The following LDLRAD3 variants were observed in gnomAD, a reference collection of about 807,000 sequenced individuals.
LDLRAD3 encodes low density lipoprotein receptor class A domain containing 3.
Under a neutral mutation model 29.4 loss-of-function variants are expected in LDLRAD3, and 20 were observed. The observed-to-expected ratio is 0.68, with a 90% CI of 0.48 to 0.99. The LOEUF (loss-of-function observed/expected upper bound fraction) is 0.99, where lower values mean the gene tolerates loss of function less well. Among genes scored for constraint, LDLRAD3 ranks in the 50% least tolerant of loss-of-function variants. The probability of loss-of-function intolerance (pLI) is 0.00; values close to 1 mark genes in which losing one functional copy is unlikely to be tolerated. For synonymous variants in LDLRAD3, 157 were observed against 192.7 expected (o/e 0.81, Z 1.53); for missense variants, 420 against 454.3 (o/e 0.92, Z 0.69).
chr11:36,210,866 A>G (rs565554022), intron 4 of LDLRAD3, among the ~76,000 whole-genome samples: 2 of 152,316 alleles, frequency 1.3e-5, no homozygotes, highest in East Asian at 3.9e-4. Flanking sequence ...AGATAACAAA[A>G]AGCAAAAGAG....
chr11:36,144,766 G>GC (rs776835483), intron 4 of LDLRAD3, among the ~76,000 whole-genome samples: 3,059 of 123,834 alleles, frequency 0.025, 45 homozygotes, highest in Non-Finnish European at 0.033. Context: ...GTGGGGGTCA[G>GC]CCCCCCGCCC....
intron 2 of LDLRAD3, among the ~76,000 whole-genome samples, chr11:36,079,246 A>C (rs1257166877): frequency 1.3e-5 from 2 of 152,210 alleles, no homozygotes. Context: ...ATGTCCTAGA[A>C]ATCACTTCAT....
At chr11:35,981,956 C>T (rs772964871) in intron 1 of LDLRAD3, among the ~76,000 whole-genome samples, 1 of 152,148 alleles carries the variant, frequency 6.6e-6, no homozygotes, top group Non-Finnish European at 1.5e-5. Flanking sequence ...AGTCGGAGCT[C>T]TTTGGGCCTT....
intron 4 of LDLRAD3, among the ~76,000 whole-genome samples, chr11:36,143,295 C>G (rs1243469017): frequency 1.3e-5 from 2 of 152,182 alleles, no homozygotes; most frequent in African/African-American, 2.4e-5. Flanking sequence ...AACTCCCTGG[C>G]CAGAAAGGAA....
intron 4 of LDLRAD3, among the ~76,000 whole-genome samples, chr11:36,109,495 C>G (rs115156391): frequency 0.016 from 2,376 of 152,234 alleles, 62 homozygotes; most frequent in African/African-American, 0.054. Context: ...TTTTGTGGAA[C>G]TAGAGAATCT....
intron 4 of LDLRAD3, among the ~76,000 whole-genome samples, chr11:36,221,070 A>G (rs540069148): frequency 6.6e-6 from 1 of 151,660 alleles, no homozygotes; most frequent in African/African-American, 2.4e-5. Context: ...AGGCTGGGCC[A>G]GGCACGGTGG....
chr11:36,183,283 A>G (rs926514682), intron 4 of LDLRAD3, among the ~76,000 whole-genome samples: 1 of 152,122 alleles, frequency 6.6e-6, no homozygotes, highest in Non-Finnish European at 1.5e-5. Context: ...CAAAGGTAAT[A>G]AATTTCAACC....
At chr11:36,093,233 G>A (rs1280394793) in intron 3 of LDLRAD3, among the ~76,000 whole-genome samples, 1 of 152,148 alleles carries the variant, frequency 6.6e-6, no homozygotes, top group African/African-American at 2.4e-5. Context: ...GAAAAGTAAA[G>A]TAAAATGAAC....
chr11:36,047,053 T>C (rs1166359984), intron 2 of LDLRAD3, among the ~76,000 whole-genome samples: 1 of 125,476 alleles, frequency 8.0e-6, no homozygotes, highest in African/African-American at 2.5e-5. Flanking sequence ...GCCCTGGGGC[T>C]GGAGGGGGCT....
intron 2 of LDLRAD3, among the ~76,000 whole-genome samples, chr11:36,043,036 G>A (rs138952483): frequency 1.3e-5 from 2 of 152,280 alleles, no homozygotes; most frequent in African/African-American, 4.8e-5. Flanking sequence ...TATAGGCTGG[G>A]CATGGTGGCT....
At chr11:36,104,161 C>T (rs11033427) in intron 4 of LDLRAD3, among the ~76,000 whole-genome samples, 27,937 of 152,156 alleles carry the variant, frequency 0.18, 3,289 homozygotes, top group South Asian at 0.3. Flanking sequence ...TATTGTGAGC[C>T]GCCCTACTCA....
chr11:36,212,982 A>G (rs986643969), intron 4 of LDLRAD3, among the ~76,000 whole-genome samples: 1 of 152,198 alleles, frequency 6.6e-6, no homozygotes, highest in Non-Finnish European at 1.5e-5. Context: ...GAAAATTTCC[A>G]GGGAAGTGTC....
chr11:36,135,270 T>A (rs1853987626), intron 4 of LDLRAD3, among the ~76,000 whole-genome samples: 1 of 152,236 alleles, frequency 6.6e-6, no homozygotes, highest in Non-Finnish European at 1.5e-5. Flanking sequence ...GGAAAAGTCG[T>A]GCCTCTGCAT....
intron 1 of LDLRAD3, among the ~76,000 whole-genome samples, chr11:36,029,796 T>A (rs1852212995): frequency 6.6e-6 from 1 of 152,200 alleles, no homozygotes; most frequent in African/African-American, 2.4e-5. Context: ...CATGCTGCTT[T>A]ACCCTTGTAG....
Position 36,231,192 on chromosome 11 carries a change from G to A in LDLRAD3, c.*1795G>A, listed in dbSNP as rs1855570901. On this transcript the variant is annotated 3_prime_UTR_variant, in exon 6 of 6. Coordinates refer to ENST00000315571, the MANE Select transcript of LDLRAD3 (RefSeq NM_174902.4). ...AGAGCCTGCAGGAAGTGGGGCTAAA[G>A]TGGCATTCAGTGATCCTGTTCTGTA... 6.6e-6 allele frequency: 1 copy of A among 152,526 alleles called. No homozygotes were observed. The highest frequency in any genetic ancestry group is 2.4e-5 in the African/African-American group (1 of 41,516). The allele number at this position is 152,526 out of a possible 1,614,324, so 9.4% of individuals were successfully genotyped here.
chr11:35,947,247 G>A (rs1467031336), intron 1 of LDLRAD3, among the ~76,000 whole-genome samples: 3 of 152,278 alleles, frequency 2.0e-5, no homozygotes, highest in Non-Finnish European at 2.9e-5. Flanking sequence ...AATGGCTCAC[G>A]CCTGTAATCC....
At chr11:36,098,203 T>A in intron 3 of LDLRAD3, 124 bp from the exon 4 acceptor site, 1 of 1,177,082 alleles carries the variant, frequency 8.5e-7, no homozygotes, top group Non-Finnish European at 1.2e-6. Flanking sequence ...GCTTTGAGTC[T>A]GCCAGCTTAG....
At chr11:36,171,484 T>G (rs1854597969) in intron 4 of LDLRAD3, among the ~76,000 whole-genome samples, 1 of 152,230 alleles carries the variant, frequency 6.6e-6, no homozygotes, top group Admixed American at 6.5e-5. Flanking sequence ...AGGTGAGAGA[T>G]GAGGATCCAG....
At chr11:36,151,014 C>T (rs1235027901) in intron 4 of LDLRAD3, among the ~76,000 whole-genome samples, 1 of 152,120 alleles carries the variant, frequency 6.6e-6, no homozygotes, top group Non-Finnish European at 1.5e-5. Flanking sequence ...GAAAGTTCTC[C>T]GAGGTCTGAT....
Sources: allele counts gnomAD v4.1 joint callset (sites outside exome capture counted in the v4.1 genomes callset), GRCh38; gene constraint gnomAD v4.1.1; transcripts MANE v1.5; gene names NCBI Gene and HGNC (gene_info 2026-07-23, HGNC 2026-07-21).